CDH12: variants seen among roughly 807,000 people sequenced by gnomAD.
The protein encoded by CDH12 is cadherin 12, also known as cadherin-12.
In CDH12, 41 loss-of-function variants were observed where a neutral mutation model predicts 74.1. That is an observed-to-expected ratio of 0.55 (90% CI 0.43 to 0.72). CDH12 has a LOEUF of 0.72. CDH12 is among the 30% of genes least tolerant of loss of function. The pLI, the probability that CDH12 is intolerant of heterozygous loss-of-function variation, is 0.00. For synonymous variants in CDH12, 399 were observed against 355.0 expected (o/e 1.12, Z -1.39); for missense variants, 945 against 977.2 (o/e 0.97, Z 0.44).
rs538405642 is a variant in CDH12 at position 22,167,509 on chromosome 5, C to A, written c.-187+44989G>T. Among the ~76,000 whole-genome samples the A allele has an allele frequency of 1.0e-3, 157 of 152,210 alleles. 1 individual carries two copies. Among genetic ancestry groups the A allele is most frequent in the African/African-American group, 3.7e-3 (153 of 41,546 alleles). ...TGATTTTTGTTTATCATGACAAGTT[C>A]TTCAAATATATAGCTCTTTGGACTC... On this transcript the variant is annotated intron_variant, in intron 4 of 14. Transcript: ENST00000382254.
chr5:22,191,126 C>T (rs1424403930), intron 4 of CDH12, among the ~76,000 whole-genome samples: 2 of 152,092 alleles, frequency 1.3e-5, no homozygotes, highest in Admixed American at 6.6e-5. Context: ...TAGGAATAAA[C>T]CAACATCCCA....
chr5:21,870,918 G>C (rs1243718173), intron 6 of CDH12, among the ~76,000 whole-genome samples: 1 of 152,060 alleles, frequency 6.6e-6, no homozygotes, highest in Admixed American at 6.6e-5. Context: ...TTTTGGTAGA[G>C]ACAGAATTTT....
rs568947030 is a variant in CDH12, at chr5:22,779,128, G to A, written c.-523+73930C>T. 2.7e-3 allele frequency among the ~76,000 whole-genome samples: 418 copies of A among 152,056 alleles called. 2 individuals are homozygous for A. Among genetic ancestry groups the A allele is most frequent in the African/African-American group, 9.3e-3 (385 of 41,498 alleles). On this transcript the variant is annotated intron_variant, in intron 1 of 14. Coordinates refer to ENST00000382254, the MANE Select transcript of CDH12 (RefSeq NM_004061.5). ...TATATTTGCTTCAATCCTGAAGGAA[G>A]TTTGTACAACTAAGTTTTTCTCTAC...
chr5:21,804,082 C>G (rs1191425115), intron 9 of CDH12, among the ~76,000 whole-genome samples: 3 of 152,038 alleles, frequency 2.0e-5, no homozygotes, highest in South Asian at 4.1e-4. Flanking sequence ...ATGTGTTTAT[C>G]TGCTTTGTAA....
chr5:21,802,495 A>G, intron 9 of CDH12, 75 bp from the exon 10 acceptor site: 1 of 1,260,880 alleles, frequency 7.9e-7, no homozygotes, highest in Non-Finnish European at 1.1e-6. Context: ...ATTACTTCAG[A>G]GCAATTTGCA....
chr5:22,734,638 C>T (rs1341355280), intron 1 of CDH12, among the ~76,000 whole-genome samples: 1 of 151,824 alleles, frequency 6.6e-6, no homozygotes, highest in Non-Finnish European at 1.5e-5. Flanking sequence ...TAACTCATTG[C>T]TTTAGGATGC....
At chr5:22,836,912 G>A (rs913580361) in intron 1 of CDH12, among the ~76,000 whole-genome samples, 3 of 152,038 alleles carry the variant, frequency 2.0e-5, no homozygotes, top group African/African-American at 7.2e-5. Flanking sequence ...TCATGCCAAT[G>A]GAACTATCAT....
intron 6 of CDH12, among the ~76,000 whole-genome samples, chr5:21,956,198 T>C (rs566653921): frequency 2.7e-4 from 41 of 152,122 alleles, no homozygotes; most frequent in African/African-American, 8.9e-4. Flanking sequence ...TTAGATACCA[T>C]TGAAGGAATA....
chr5:22,220,214 A>C (rs1751964180), intron 3 of CDH12, among the ~76,000 whole-genome samples: 1 of 151,778 alleles, frequency 6.6e-6, no homozygotes, highest in Admixed American at 6.6e-5. Flanking sequence ...GTGTTTGTAC[A>C]TGCGTATGTG....
In CDH12 at chr5:22,374,814, A is replaced by G. The variant is rs181105775; in HGVS notation, c.-333+30443T>C. On this transcript the variant is annotated intron_variant, in intron 3 of 14. Coordinates refer to ENST00000382254, the MANE Select transcript of CDH12 (RefSeq NM_004061.5). ...TAATGCAAAAAATTGAAGAGAAAAC[A>G]AACATGGAAAGACATTGCATGCTCA... Among the ~76,000 whole-genome samples, 3 of 152,248 alleles carry G rather than the reference A, an allele frequency of 2.0e-5. No homozygotes were observed. The East Asian group carries it at 5.8e-4, about 29-fold the overall frequency.
At chr5:22,278,607 C>T (rs565026306) in intron 3 of CDH12, among the ~76,000 whole-genome samples, 11 of 151,846 alleles carry the variant, frequency 7.2e-5, no homozygotes, top group South Asian at 4.2e-4. Flanking sequence ...TCTAAATATC[C>T]GCTTATGTAG....
At chr5:22,782,499 G>A (rs1281410510) in intron 1 of CDH12, among the ~76,000 whole-genome samples, 2 of 152,190 alleles carry the variant, frequency 1.3e-5, no homozygotes, top group African/African-American at 4.8e-5. Context: ...ATAATTGTAA[G>A]TTTCCTGAGG....
intron 1 of CDH12, among the ~76,000 whole-genome samples, chr5:22,673,386 G>T (rs929062946): frequency 6.6e-6 from 1 of 152,098 alleles, no homozygotes; most frequent in Non-Finnish European, 1.5e-5. Context: ...GTTTGTAAAA[G>T]ATTGTGGTCT....
chr5:21,998,008 A>T (rs939569545), intron 5 of CDH12, among the ~76,000 whole-genome samples: 1 of 152,124 alleles, frequency 6.6e-6, no homozygotes, highest in Non-Finnish European at 1.5e-5. Flanking sequence ...GAGATTTTTT[A>T]AAAAGTTCTT....
At chr5:22,002,563 G>C (rs1197874011) in intron 5 of CDH12, among the ~76,000 whole-genome samples, 1 of 151,962 alleles carries the variant, frequency 6.6e-6, no homozygotes, top group Non-Finnish European at 1.5e-5. Context: ...TTTACAAATT[G>C]TCTGGTTTTA....
intron 6 of CDH12, among the ~76,000 whole-genome samples, chr5:21,973,755 A>G (rs1337874933): frequency 2.0e-5 from 3 of 152,202 alleles, no homozygotes; most frequent in Non-Finnish European, 4.4e-5. Context: ...TCAAAATATT[A>G]ACTTTATTTT....
intron 1 of CDH12, among the ~76,000 whole-genome samples, chr5:22,837,695 G>A (rs1007779935): frequency 1.6e-4 from 25 of 152,110 alleles, no homozygotes; most frequent in Non-Finnish European, 2.9e-4. Flanking sequence ...TATGGCTTGA[G>A]TTATACTAGA....
intron 3 of CDH12, among the ~76,000 whole-genome samples, chr5:22,329,396 A>C (rs2150444127): frequency 6.6e-6 from 1 of 152,272 alleles, no homozygotes; most frequent in African/African-American, 2.4e-5. Flanking sequence ...ATCTCCGACC[A>C]CCCTGAGTGC....
intron 1 of CDH12, among the ~76,000 whole-genome samples, chr5:22,675,753 C>T (rs1026928410): frequency 2.0e-5 from 3 of 151,494 alleles, no homozygotes; most frequent in Non-Finnish European, 4.4e-5. Flanking sequence ...CTCTTAAGTC[C>T]ATTAAACCTC....
Sources: allele counts gnomAD v4.1 joint callset (sites outside exome capture counted in the v4.1 genomes callset), GRCh38; gene constraint gnomAD v4.1.1; transcripts MANE v1.5; gene names NCBI Gene and HGNC (gene_info 2026-07-23, HGNC 2026-07-21).